Variants in OSBPL3 observed in about 807,000 individuals in gnomAD.
OSBPL3 encodes the protein oxysterol binding protein like 3.
Under a neutral mutation model 120.1 loss-of-function variants are expected in OSBPL3, and 65 were observed. The observed-to-expected ratio is 0.54, with a 90% CI of 0.44 to 0.67. The LOEUF is 0.67. Among genes scored for constraint, OSBPL3 ranks in the 30% least tolerant of loss-of-function variants. The pLI is 0.00. For missense variants in OSBPL3, 1,004 were observed against 1,082.1 expected (o/e 0.93, Z 1.01); for synonymous variants, 416 against 402.6 (o/e 1.03, Z -0.40).
intron 19 of OSBPL3, among the ~76,000 whole-genome samples, chr7:24,811,336 T>A (rs868582221): frequency 9.9e-5 from 15 of 152,252 alleles, no homozygotes; most frequent in Non-Finnish European, 1.9e-4. Context: ...TTGAGAAACA[T>A]CTCTTCAGGT....
Position 24,854,254 on chromosome 7 carries a change from T to C in OSBPL3, c.1028-1620A>G, listed in dbSNP as rs1317420544. ...GGAAGACTGAAGAGACTCAGACACA[T>C]GTCTTCTCAAATGACCTAGCACATT... On this transcript the variant is annotated intron_variant, in intron 10 of 22. Coordinates refer to ENST00000313367, the MANE Select transcript of OSBPL3 (RefSeq NM_015550.4). The surrounding 1 kb of genome is among the most constrained non-coding windows in gnomAD (Gnocchi z 4.1). Among the ~76,000 whole-genome samples, 1 of 152,186 alleles carries C rather than the reference T, an allele frequency of 6.6e-6. No individual in the cohort carries two copies. Among genetic ancestry groups the C allele is most frequent in the East Asian group, 1.9e-4 (1 of 5,206 alleles).
At position 24,870,844 on chromosome 7, in the gene OSBPL3, A is replaced by C. The variant is rs1371222426; in HGVS notation, c.269T>G (p.Ile90Arg). The C allele has an allele frequency of 6.2e-7, 1 of 1,602,820 alleles. No individual in the cohort carries two copies. Among genetic ancestry groups the C allele is most frequent in the East Asian group, 2.2e-5 (1 of 44,830 alleles). ...ILKYAKSQTD[I>R]EREKLHGCID... ...GCAGCCATGCAGCTTCTCTCTCTCT[A>C]TCTGCAGAGGCACCAAGAGGGTCAC... Residue 90 changes from isoleucine to arginine, a missense_variant and splice_region_variant, in exon 5 of 23, where the codon ATA becomes AGA. Ile to Arg is a moderately conservative substitution (Grantham distance 97). Transcript: ENST00000313367.
Position 24,960,309 on chromosome 7 carries a change from A to T in OSBPL3, c.-150+19577T>A, listed in dbSNP as rs114741522. Among the ~76,000 whole-genome samples, 166 of 152,320 alleles carry T rather than the reference A, an allele frequency of 1.1e-3. 4 individuals are homozygous for T. Among genetic ancestry groups the T allele is most frequent in the African/African-American group, 3.2e-3 (133 of 41,558 alleles). On this transcript the variant is annotated intron_variant, in intron 1 of 22. Transcript: ENST00000313367. ...TCATAATACAAAGGCATGCCCCGCT[A>T]GTGTGGTATATAAATGAATGAGAAA... is the stretch of plus-strand genomic sequence containing the variant.
In OSBPL3 at chr7:24,966,717, G is replaced by A. The variant is rs1375021139; in HGVS notation, c.-150+13169C>T. ...ACTGAGCTGAAAACCTAATTAGGGT[G>A]GAGTTTTACACTATGTTTGTGTATA... On this transcript the variant is annotated intron_variant, in intron 1 of 22. Transcript: ENST00000313367. This position sits in a 1 kb window ranked among gnomAD's most constrained non-coding sequence, Gnocchi z 4.8. Among the ~76,000 whole-genome samples the A allele has an allele frequency of 6.6e-6, 1 of 152,110 alleles. No individual in the cohort carries two copies. Among genetic ancestry groups the A allele is most frequent in the Non-Finnish European group, 1.5e-5 (1 of 68,030 alleles).
intron 12 of OSBPL3, among the ~76,000 whole-genome samples, chr7:24,848,481 T>C (rs1467713146): frequency 6.6e-6 from 1 of 152,232 alleles, no homozygotes; most frequent in Non-Finnish European, 1.5e-5. Context: ...ATTTTAAACA[T>C]GCAAAGACTA....
chr7:24,979,804 A>C (rs1010944467), intron 1 of OSBPL3, 82 bp downstream of exon 1: 71 of 675,614 alleles, frequency 1.1e-4, no homozygotes, highest in Non-Finnish European at 1.2e-4. Context: ...GGCGCCCCGC[A>C]AACAGCAGCC....
chr7:24,892,312 C>A, intron 2 of OSBPL3, 65 bp downstream of exon 2: 1 of 1,531,344 alleles, frequency 6.5e-7, no homozygotes, highest in African/African-American at 1.4e-5. Context: ...TAAATGTGTG[C>A]ATTTTAACCA....
intron 1 of OSBPL3, 21 bp downstream of exon 1, chr7:24,979,865 G>A: frequency 1.1e-6 from 1 of 934,418 alleles, no homozygotes; most frequent in Non-Finnish European, 1.3e-6. Flanking sequence ...GCCCCATTTA[G>A]GCGGGCGCCC....
rs145403485 is a variant in OSBPL3 at position 24,960,497 on chromosome 7, TC to T, written c.-150+19388del. ...AATCAATATATCGAAAACTCAATTA[TC>T]TGTGCTAATGGAGGCAGATTTTTAA... On this transcript the variant is annotated intron_variant, in intron 1 of 22. Transcript: ENST00000313367. 4.5e-3 allele frequency among the ~76,000 whole-genome samples: 690 copies of T among 152,232 alleles called. 10 individuals are homozygous for T. Among genetic ancestry groups the T allele is most frequent in the African/African-American group, 0.015 (615 of 41,546 alleles).
At chr7:24,812,462 C>T (rs1793946037) in intron 19 of OSBPL3, among the ~76,000 whole-genome samples, 1 of 151,872 alleles carries the variant, frequency 6.6e-6, no homozygotes, top group South Asian at 2.1e-4. Context: ...TCAGGCCAGT[C>T]CAGCCCAGCT....
rs1229507517 is a variant in OSBPL3, at chr7:24,899,151, T to C, written c.-149-6530A>G. Among the ~76,000 whole-genome samples the C allele has an allele frequency of 6.6e-6, 1 of 152,176 alleles. No homozygotes were observed. ...GGACATGGATCAAGAGCCCTTGTGA[T>C]CCCAGATGTTCAACTTTGATCACCC... On this transcript the variant is annotated intron_variant, in intron 1 of 22. Transcript: ENST00000313367. The surrounding 1 kb of genome is among the most constrained non-coding windows in gnomAD (Gnocchi z 4.0).
At chr7:24,848,339 T>C (rs1435001307) in intron 12 of OSBPL3, among the ~76,000 whole-genome samples, 1 of 152,234 alleles carries the variant, frequency 6.6e-6, no homozygotes, top group African/African-American at 2.4e-5. Context: ...GTCTAATTCA[T>C]TTGTTAATAA....
chr7:24,831,865 C>T lies in OSBPL3; in HGVS notation c.1747-960G>A, dbSNP rs1450955991. ...TGTAATAGGGACCACCTCACCACCT[C>T]ATGCTATAGAATTCTCTAGAGCAGC... is the stretch of plus-strand genomic sequence containing the variant. On this transcript the variant is annotated intron_variant, in intron 15 of 22. Coordinates refer to ENST00000313367, the MANE Select transcript of OSBPL3 (RefSeq NM_015550.4). This position sits in a 1 kb window ranked among gnomAD's most constrained non-coding sequence, Gnocchi z 4.0. Among the ~76,000 whole-genome samples, 1 of 152,206 alleles carries T rather than the reference C, an allele frequency of 6.6e-6. No homozygotes were observed. The highest frequency in any genetic ancestry group is 1.5e-5 in the Non-Finnish European group (1 of 68,028).
At chr7:24,816,798 C>G in intron 17 of OSBPL3, 110 bp from the exon 18 acceptor site, 1 of 741,628 alleles carries the variant, frequency 1.3e-6, no homozygotes, top group Admixed American at 2.0e-5. Flanking sequence ...TCTTCACAAT[C>G]AAGTCAATTA....
In OSBPL3 at chr7:24,833,525, G is replaced by C. The variant is rs1284239857; in HGVS notation, c.1746+961C>G. The stretch of plus-strand genomic sequence containing the variant: ...AGAACTGCAGAATGCTTAGAATGTA[G>C]AAAATAATAGCATCCTCTATCAATG... On this transcript the variant is annotated intron_variant, in intron 15 of 22. Coordinates refer to ENST00000313367, the MANE Select transcript of OSBPL3 (RefSeq NM_015550.4). This position sits in a 1 kb window ranked among gnomAD's most constrained non-coding sequence, Gnocchi z 4.4. Among the ~76,000 whole-genome samples, 2 of 152,174 alleles carry C rather than the reference G, an allele frequency of 1.3e-5. No individual in the cohort carries two copies. Among genetic ancestry groups the C allele is most frequent in the African/African-American group, 2.4e-5 (1 of 41,438 alleles).
rs138085576 is a variant in OSBPL3, at chr7:24,865,421, A to G, written c.594T>C (p.Asn198=). The G allele has an allele frequency of 5.6e-6, 9 of 1,613,372 alleles. No individual in the cohort carries two copies. Among genetic ancestry groups the G allele is most frequent in the Non-Finnish European group, 7.6e-6 (9 of 1,179,270 alleles). ...TCTCACCACCACAAGAAAATGATACATTGCTTCCAGTTTGAAATAAATTCT... is the reference window on the plus strand; with the variant it reads ...TCTCACCACCACAAGAAAATGATACGTTGCTTCCAGTTTGAAATAAATTCT... The part of the protein sequence containing the change: ...SKQNLFQTGS[N]VSFSCGGETR... The change falls in exon 7 of 23, where the codon AAT becomes AAC. Residue 198 remains asparagine (N), a synonymous_variant. Coordinates refer to ENST00000313367, the MANE Select transcript of OSBPL3 (RefSeq NM_015550.4).
intron 1 of OSBPL3, among the ~76,000 whole-genome samples, chr7:24,949,191 G>C (rs955437379): frequency 6.6e-6 from 1 of 152,112 alleles, no homozygotes; most frequent in Non-Finnish European, 1.5e-5. Flanking sequence ...TGTATAACCT[G>C]CCATTTTCAT....
In OSBPL3 at chr7:24,799,449, T is replaced by C. The variant is rs1476391990; in HGVS notation, c.*734A>G. On this transcript the variant is annotated 3_prime_UTR_variant, in exon 23 of 23. Coordinates refer to ENST00000313367, the MANE Select transcript of OSBPL3 (RefSeq NM_015550.4). This position sits in a 1 kb window ranked among gnomAD's most constrained non-coding sequence, Gnocchi z 5.3. Reference sequence around the variant, plus strand: ...CTACTGTCTCTCTGGGATGCTATTGTGATATTTAATTAATTGGAATTCTTT... The same window carrying C: ...CTACTGTCTCTCTGGGATGCTATTGCGATATTTAATTAATTGGAATTCTTT... The C allele has an allele frequency of 6.6e-6, 1 of 152,210 alleles. No individual in the cohort carries two copies. Among genetic ancestry groups the C allele is most frequent in the African/African-American group, 2.4e-5 (1 of 41,460 alleles). 9.4% of individuals were successfully genotyped at this position (152,210 alleles called of 1,614,324 possible). A position where few individuals can be genotyped will look rare whatever the true frequency, so the allele number is the denominator to read the frequency against.
chr7:24,826,706 G>A (rs997819976), intron 16 of OSBPL3, among the ~76,000 whole-genome samples: 1 of 152,144 alleles, frequency 6.6e-6, no homozygotes, highest in African/African-American at 2.4e-5. Flanking sequence ...GATCATGAAT[G>A]CACGGAGCAC....
Sources: gnomAD v4.1 joint callset for allele counts (sites outside exome capture counted in the v4.1 genomes callset) on GRCh38, gnomAD v4.1.1 for gene constraint, Gnocchi (gnomAD v3.1) non-coding constraint, MANE v1.5 for transcripts, NCBI Gene and HGNC (gene_info 2026-07-23, HGNC 2026-07-21) for gene names.